Variants in UNC13C observed in about 807,000 individuals in gnomAD.
The protein encoded by UNC13C is unc-13 homolog C.
Under a neutral mutation model 245.4 loss-of-function variants are expected in UNC13C, and 174 were observed. The ratio of observed to expected loss-of-function variants is 0.71; its 90% confidence interval spans 0.63 to 0.80. UNC13C has a LOEUF of 0.80. Ranked by LOEUF, UNC13C falls within the 30% of genes least tolerant of loss-of-function variation. The pLI is 0.00. For missense variants in UNC13C, 2,829 were observed against 2,602.9 expected, an observed-to-expected ratio of 1.09 and a Z score of -1.89; for synonymous variants, 992 against 895.1, an observed-to-expected ratio of 1.11 and a Z score of -1.93.
intron 5 of UNC13C, among the ~76,000 whole-genome samples, chr15:54,235,830 A>G (rs1318925702): frequency 1.3e-5 from 2 of 152,216 alleles, no homozygotes; most frequent in Non-Finnish European, 2.9e-5. Context: ...AGCCTGCGTG[A>G]CAGAGCGAGA....
At chr15:54,228,067 A>G (rs1238370717) in intron 4 of UNC13C, among the ~76,000 whole-genome samples, 2 of 152,168 alleles carry the variant, frequency 1.3e-5, no homozygotes, top group Non-Finnish European at 2.9e-5. Flanking sequence ...CAACCGTGCT[A>G]CAAAGTCCTA....
chr15:54,318,917 T>C (rs2038079570), intron 13 of UNC13C, among the ~76,000 whole-genome samples: 1 of 151,956 alleles, frequency 6.6e-6, no homozygotes, highest in Non-Finnish European at 1.5e-5. Flanking sequence ...CGCTCTACTA[T>C]TTATGCTTGA....
At chr15:54,326,798 A>C (rs951863972) in intron 14 of UNC13C, among the ~76,000 whole-genome samples, 1 of 152,032 alleles carries the variant, frequency 6.6e-6, no homozygotes, top group Non-Finnish European at 1.5e-5. Flanking sequence ...TTGAAAATTG[A>C]TTGTAGAACA....
chr15:54,416,798 T>A (rs547394348), intron 19 of UNC13C: 65 of 415,070 alleles, frequency 1.6e-4, no homozygotes, highest in African/African-American at 1.3e-3. Flanking sequence ...TCTCTGCTGT[T>A]CCCTATAGCA....
chr15:54,523,943 T>A (rs1403202618), intron 24 of UNC13C, among the ~76,000 whole-genome samples: 4 of 152,100 alleles, frequency 2.6e-5, no homozygotes, highest in Non-Finnish European at 5.9e-5. Context: ...ATTAGCACAA[T>A]AACAAGAAAA....
At chr15:54,389,660 C>G (rs2039911559) in intron 17 of UNC13C, among the ~76,000 whole-genome samples, 1 of 152,012 alleles carries the variant, frequency 6.6e-6, no homozygotes, top group African/African-American at 2.4e-5. Flanking sequence ...GCCCATTTTA[C>G]TCATAATTAT....
intron 1 of UNC13C, among the ~76,000 whole-genome samples, chr15:54,000,715 C>A (rs1334487617): frequency 1.3e-5 from 2 of 152,022 alleles, no homozygotes; most frequent in Non-Finnish European, 2.9e-5. Flanking sequence ...TAAAACTAAG[C>A]AAAATGAGTT....
chr15:54,028,916 A>G (rs1375731929), intron 2 of UNC13C, among the ~76,000 whole-genome samples: 1 of 152,130 alleles, frequency 6.6e-6, no homozygotes, highest in African/African-American at 2.4e-5. Context: ...AAATGTGGTG[A>G]TAAAATAAAT....
intron 10 of UNC13C, among the ~76,000 whole-genome samples, chr15:54,267,241 A>G (rs1359788237): frequency 6.6e-6 from 1 of 151,812 alleles, no homozygotes; most frequent in African/African-American, 2.4e-5. Context: ...GAATATGTTT[A>G]TTCCGAATTA....
At chr15:54,303,809 C>A (rs1337228529) in intron 13 of UNC13C, among the ~76,000 whole-genome samples, 3 of 151,906 alleles carry the variant, frequency 2.0e-5, no homozygotes, top group Admixed American at 1.3e-4. Flanking sequence ...TTGGTTCCAT[C>A]CAGAAAGGCG....
chr15:53,876,538 G>A, the UNC13C span, among the ~76,000 whole-genome samples: 3 of 152,070 alleles, frequency 2.0e-5, no homozygotes, highest in African/African-American at 4.8e-5. Context: ...CTCTAAAGCC[G>A]CATGTCTCGT....
intron 30 of UNC13C, among the ~76,000 whole-genome samples, chr15:54,569,770 C>A (rs1897670080): frequency 1.3e-5 from 2 of 151,730 alleles, no homozygotes; most frequent in African/African-American, 4.8e-5. Flanking sequence ...TTCCTGTTCC[C>A]TCATTTTCTG....
intron 2 of UNC13C, among the ~76,000 whole-genome samples, chr15:54,118,902 G>T (rs1374998973): frequency 2.8e-5 from 4 of 140,836 alleles, no homozygotes; most frequent in African/African-American, 7.7e-5. Flanking sequence ...TGATCTTACG[G>T]TTTTTTTTTT....
chr15:54,558,570 T>C (rs1897178041), intron 29 of UNC13C, among the ~76,000 whole-genome samples: 1 of 152,070 alleles, frequency 6.6e-6, no homozygotes, highest in Non-Finnish European at 1.5e-5. Context: ...CTCTATACAA[T>C]ATTGATGAAA....
chr15:54,374,441 G>A (rs1211309295), intron 17 of UNC13C, among the ~76,000 whole-genome samples: 1 of 152,184 alleles, frequency 6.6e-6, no homozygotes, highest in East Asian at 1.9e-4. Flanking sequence ...AGGGGCCAAG[G>A]CAGCAGGGAG....
At chr15:54,396,145 T>G (rs2040065250) in intron 18 of UNC13C, among the ~76,000 whole-genome samples, 1 of 151,710 alleles carries the variant, frequency 6.6e-6, no homozygotes, top group Admixed American at 6.6e-5. Context: ...ATTTAAATAG[T>G]CTAATTTGAA....
Position 54,014,516 on chromosome 15 carries a change from A to G in UNC13C, c.1613A>G (p.Gln538Arg). Reference protein sequence around the residue: ...YADATPLWHSQSDFFTAKLSR... With the variant: ...YADATPLWHSRSDFFTAKLSR... ...GATGCAACACCTCTCTGGCACTCAC[A>G]GAGTGATTTTTTCACTGCTAAACTT... The change falls in exon 2 of 33, where the codon CAG becomes CGG. Residue 538 changes from glutamine to arginine, a missense_variant. Transcript: ENST00000260323. The G allele has an allele frequency of 6.2e-7, 1 of 1,613,840 alleles. No individual in the cohort carries two copies. The highest frequency in any genetic ancestry group is 1.1e-5 in the South Asian group (1 of 91,074).
At chr15:54,016,020 G>C (rs1403070841) in intron 2 of UNC13C, 134 bp downstream of exon 2, 22 of 789,642 alleles carry the variant, frequency 2.8e-5, no homozygotes, top group Non-Finnish European at 3.6e-5. Flanking sequence ...ACTCTGAGGA[G>C]CATTTTGTTT....
the UNC13C span, chr15:53,972,867 T>G: frequency 6.6e-6 from 1 of 152,216 alleles, no homozygotes; most frequent in South Asian, 2.1e-4. Flanking sequence ...CATACGTATT[T>G]AAGACATTCA....
Sources: allele counts gnomAD v4.1 joint callset (sites outside exome capture counted in the v4.1 genomes callset), GRCh38; gene constraint gnomAD v4.1.1; transcripts MANE v1.5; gene names NCBI Gene and HGNC (gene_info 2026-07-23, HGNC 2026-07-21).